Variants in PTPN1 observed in about 807,000 individuals in gnomAD.
PTPN1 encodes the protein protein tyrosine phosphatase non-receptor type 1.
PTPN1 carries 12 observed loss-of-function variants against 59.9 expected under a neutral mutation model. That is an observed-to-expected ratio of 0.20 (90% CI 0.13 to 0.32). The LOEUF (loss-of-function observed/expected upper bound fraction) is 0.32. Among genes scored for constraint, PTPN1 ranks in the 10% least tolerant of loss-of-function variants. The pLI, the probability that PTPN1 is intolerant of heterozygous loss-of-function variation, is 1.00. For missense variants in PTPN1, 356 were observed against 549.2 expected (o/e 0.65, Z 3.52); for synonymous variants, 178 against 203.6 (o/e 0.87, Z 1.07).
chr20:50,554,782 A>G (rs1261226525), intron 1 of PTPN1, among the ~76,000 whole-genome samples: 1 of 152,196 alleles, frequency 6.6e-6, no homozygotes, highest in Non-Finnish European at 1.5e-5. Context: ...CAAATAGAAC[A>G]CTAAAAAATG....
chr20:50,520,162 C>T (rs542673316), intron 1 of PTPN1, among the ~76,000 whole-genome samples: 20 of 151,838 alleles, frequency 1.3e-4, no homozygotes, highest in African/African-American at 4.6e-4. Context: ...ACTTGAGGTC[C>T]GGAGTTCAGG....
chr20:50,573,801 C>T (rs575216393), intron 4 of PTPN1: 35 of 152,266 alleles, frequency 2.3e-4, no homozygotes, highest in African/African-American at 7.7e-4. Context: ...TCACTAAATT[C>T]GAGTCAGTTT....
intron 2 of PTPN1, chr20:50,563,102 T>C (rs2082760615): frequency 1.1e-5 from 1 of 89,962 alleles, no homozygotes; most frequent in Admixed American, 1.5e-4. Flanking sequence ...TTTACTTGAC[T>C]AGCCAAAAAA....
rs372989529 is a variant in PTPN1 at position 50,579,784 on chromosome 20, A to T, written c.946A>T (p.Ile316Phe). ...CCCACCTCCCCGGCCACCCAAACGAATCCTGGAGCCACACAATGGGAAATG... is the reference window on the plus strand; with the variant it reads ...CCCACCTCCCCGGCCACCCAAACGATTCCTGGAGCCACACAATGGGAAATG... Reference protein sequence around the residue: ...IPPPPRPPKRILEPHNGKCRE... With the variant: ...IPPPPRPPKRFLEPHNGKCRE... Residue 316 changes from isoleucine to phenylalanine, a missense_variant, in exon 8 of 10, where the codon ATC becomes TTC. Coordinates refer to ENST00000371621, the MANE Select transcript of PTPN1 (RefSeq NM_002827.4). 58 of 1,613,778 alleles carry T rather than the reference A, an allele frequency of 3.6e-5. No homozygotes were observed. The Middle Eastern group carries it at 1.0e-3, about 28-fold the overall frequency.
At chr20:50,510,672 C>G in intron 1 of PTPN1, 82 bp downstream of exon 1, 3 of 1,407,808 alleles carry the variant, frequency 2.1e-6, no homozygotes, top group Non-Finnish European at 2.9e-6. Flanking sequence ...CCCAGACTCC[C>G]TCTGGGTCTT....
At chr20:50,546,268 C>T (rs1248653177) in intron 1 of PTPN1, among the ~76,000 whole-genome samples, 3 of 152,070 alleles carry the variant, frequency 2.0e-5, no homozygotes, top group Admixed American at 2.0e-4. Context: ...GATGCTCAGT[C>T]GATATTTGGA....
intron 2 of PTPN1, among the ~76,000 whole-genome samples, chr20:50,564,588 T>G (rs970172069): frequency 6.6e-6 from 1 of 151,994 alleles, no homozygotes; most frequent in Non-Finnish European, 1.5e-5. Flanking sequence ...AGTGAGACTC[T>G]TGACTCAAAA....
chr20:50,544,651 G>C (rs1203416832), intron 1 of PTPN1, among the ~76,000 whole-genome samples: 1 of 152,128 alleles, frequency 6.6e-6, no homozygotes, highest in Non-Finnish European at 1.5e-5. Flanking sequence ...GTTCCCACTG[G>C]GCCAGCGGGG....
intron 1 of PTPN1, among the ~76,000 whole-genome samples, chr20:50,555,150 A>G (rs2082720678): frequency 6.6e-6 from 1 of 152,234 alleles, no homozygotes. Context: ...GAGCAAAGAA[A>G]ATCAATTAAA....
At chr20:50,519,941 A>G (rs764672622) in intron 1 of PTPN1, among the ~76,000 whole-genome samples, 21 of 152,230 alleles carry the variant, frequency 1.4e-4, no homozygotes, top group Non-Finnish European at 2.6e-4. Context: ...ATCCTTTGCC[A>G]TTAAAACATG....
chr20:50,528,746 AAAAAAG>A (rs1278713459), intron 1 of PTPN1, among the ~76,000 whole-genome samples: 4 of 151,436 alleles, frequency 2.6e-5, no homozygotes, highest in African/African-American at 9.7e-5. Context: ...TAAAAAAAAA[AAAAAAG>A]AAAAAAGAAA....
intron 1 of PTPN1, among the ~76,000 whole-genome samples, chr20:50,514,577 G>T (rs1259406400): frequency 6.6e-6 from 1 of 152,052 alleles, no homozygotes; most frequent in South Asian, 2.1e-4. Flanking sequence ...TGTTGCCCAG[G>T]TTGGTCTTGA....
At chr20:50,543,529 A>C (rs1463696055) in intron 1 of PTPN1, among the ~76,000 whole-genome samples, 1 of 152,152 alleles carries the variant, frequency 6.6e-6, no homozygotes, top group Non-Finnish European at 1.5e-5. Context: ...GAATTTCGGG[A>C]GAGGGAGGAG....
intron 1 of PTPN1, among the ~76,000 whole-genome samples, chr20:50,533,406 C>T (rs2082609841): frequency 6.6e-6 from 1 of 152,074 alleles, no homozygotes; most frequent in African/African-American, 2.4e-5. Context: ...CTTGGGAGCT[C>T]TCATCTCTGG....
In PTPN1 at chr20:50,583,447, C is replaced by T. The variant is rs1475142022; in HGVS notation, c.*732C>T. ...TACTTTGTCCCGCTTATTCTCCTCCCTGTTATCTGCTAGATCTAGTTCTCA... is the reference window on the plus strand; with the variant it reads ...TACTTTGTCCCGCTTATTCTCCTCCTTGTTATCTGCTAGATCTAGTTCTCA... On this transcript the variant is annotated 3_prime_UTR_variant, in exon 10 of 10. Coordinates refer to ENST00000371621, the MANE Select transcript of PTPN1 (RefSeq NM_002827.4). 2 of 152,292 alleles carry T rather than the reference C, an allele frequency of 1.3e-5. No homozygotes were observed. The highest frequency in any genetic ancestry group is 4.8e-5 in the African/African-American group (2 of 41,464). The allele number at this position is 152,292 out of a possible 1,614,324, so 9.4% of individuals were successfully genotyped here.
chr20:50,545,848 TC>T (rs930232846), intron 1 of PTPN1, among the ~76,000 whole-genome samples: 57 of 83,788 alleles, frequency 6.8e-4, no homozygotes, highest in African/African-American at 2.4e-3. Context: ...AGACCCCCCC[TC>T]CCCCCGTCTC....
rs1326969492 is a variant in PTPN1 at position 50,565,210 on chromosome 20, A to G, written c.255+141A>G. 7 of 820,140 alleles carry G rather than the reference A, an allele frequency of 8.5e-6. No homozygotes were observed. In the African/African-American group the frequency reaches 1.1e-4, roughly 12 times the overall value. 50.8% of individuals were successfully genotyped at this position (820,140 alleles called of 1,614,324 possible). A position where few individuals can be genotyped will look rare whatever the true frequency, so the allele number is the denominator to read the frequency against. Reference sequence around the variant, plus strand: ...CCAAAAAGCAGCAAGGAAGGGGGAAAAATCATCCTTCAAAGGTTCAGTTTG... The same window carrying G: ...CCAAAAAGCAGCAAGGAAGGGGGAAGAATCATCCTTCAAAGGTTCAGTTTG... On this transcript the variant is annotated intron_variant, in intron 3 of 9. Transcript: ENST00000371621.
intron 3 of PTPN1, among the ~76,000 whole-genome samples, chr20:50,566,029 G>A (rs1474910715): frequency 4.6e-5 from 7 of 152,236 alleles, no homozygotes; most frequent in South Asian, 2.1e-4. Flanking sequence ...GATGCTTCTC[G>A]TCATCTGGGA....
At chr20:50,524,569 CTTTTTTT>C (rs764474360) in intron 1 of PTPN1, among the ~76,000 whole-genome samples, 18 of 45,790 alleles carry the variant, frequency 3.9e-4, no homozygotes, top group Middle Eastern at 0.045. Context: ...ATTATGTGGT[CTTTTTTT>C]TTTTTTTTTT....
Sources: gnomAD v4.1 joint callset for allele counts (sites outside exome capture counted in the v4.1 genomes callset) on GRCh38, gnomAD v4.1.1 for gene constraint, MANE v1.5 for transcripts, NCBI Gene and HGNC (gene_info 2026-07-23, HGNC 2026-07-21) for gene names.